Variants in CPPED1 observed in about 807,000 individuals in gnomAD.
CPPED1 encodes serine/threonine-protein phosphatase CPPED1.
CPPED1 carries 28 observed loss-of-function variants against 28.0 expected under a neutral mutation model. The observed-to-expected ratio is 1.00, with a 90% confidence interval of 0.74 to 1.37. CPPED1 has a LOEUF of 1.37. Ranked by LOEUF, CPPED1 falls within the 40% of genes most tolerant of loss-of-function variation. CPPED1 has a pLI of 0.00. For synonymous variants in CPPED1, 198 were observed against 180.2 expected (o/e 1.10, Z -0.79); for missense variants, 504 against 416.5 (o/e 1.21, Z -1.83).
chr16:12,748,625 C>G (rs1039585364), intron 2 of CPPED1, among the ~76,000 whole-genome samples: 2 of 152,102 alleles, frequency 1.3e-5, no homozygotes, highest in African/African-American at 4.8e-5. Flanking sequence ...GTGGCTCATG[C>G]CTGTAATCCC....
chr16:12,694,764 G>A (rs2079981129), intron 3 of CPPED1, among the ~76,000 whole-genome samples: 3 of 142,672 alleles, frequency 2.1e-5, no homozygotes, highest in Non-Finnish European at 4.5e-5. Flanking sequence ...GTGTGAGATA[G>A]TTTTTTAAAA....
intron 2 of CPPED1, among the ~76,000 whole-genome samples, chr16:12,768,109 A>G (rs1481687695): frequency 1.3e-5 from 2 of 152,106 alleles, no homozygotes; most frequent in Non-Finnish European, 2.9e-5. Context: ...TTCTTTGACA[A>G]CCTCTCTCTG....
At chr16:12,747,002 G>A (rs926153827) in intron 2 of CPPED1, among the ~76,000 whole-genome samples, 1 of 151,512 alleles carries the variant, frequency 6.6e-6, no homozygotes, top group Non-Finnish European at 1.5e-5. Context: ...AGAAAAATGG[G>A]AAGTAGTGTT....
At chr16:12,684,715 C>T (rs2079923788) in intron 3 of CPPED1, among the ~76,000 whole-genome samples, 1 of 152,202 alleles carries the variant, frequency 6.6e-6, no homozygotes, top group South Asian at 2.1e-4. Flanking sequence ...CTTGGTTTCC[C>T]CTACTGGTCT....
chr16:12,740,110 G>A (rs2080246963), intron 2 of CPPED1, among the ~76,000 whole-genome samples: 1 of 151,504 alleles, frequency 6.6e-6, no homozygotes. Flanking sequence ...AGGAAGGAAA[G>A]GAAAGAAAGG....
intron 2 of CPPED1, chr16:12,760,961 G>C (rs1283621042): frequency 3.3e-5 from 5 of 152,210 alleles, no homozygotes; most frequent in Admixed American, 1.3e-4. Flanking sequence ...CGTAGGTACA[G>C]ATCCAAAGGG....
At chr16:12,732,681 A>G (rs2080205574) in intron 2 of CPPED1, among the ~76,000 whole-genome samples, 1 of 152,210 alleles carries the variant, frequency 6.6e-6, no homozygotes. Context: ...AACAATCAAA[A>G]TAAAATTGAA....
At chr16:12,780,079 T>G (rs2080521034) in intron 2 of CPPED1, among the ~76,000 whole-genome samples, 1 of 152,178 alleles carries the variant, frequency 6.6e-6, no homozygotes, top group African/African-American at 2.4e-5. Context: ...ACTGTCCTGT[T>G]CTTTAGGGCA....
chr16:12,766,188 T>C (rs1453106835), intron 2 of CPPED1, among the ~76,000 whole-genome samples: 1 of 146,546 alleles, frequency 6.8e-6, no homozygotes, highest in Non-Finnish European at 1.5e-5. Context: ...AGGTCAGGAG[T>C]TCGAGACCAG....
intron 2 of CPPED1, among the ~76,000 whole-genome samples, chr16:12,740,773 A>G (rs1349566611): frequency 2.0e-5 from 3 of 152,192 alleles, no homozygotes; most frequent in Non-Finnish European, 4.4e-5. Flanking sequence ...AGCAGGTGCA[A>G]GGCCCTGTGG....
chr16:12,677,193 C>T (rs1180982481), intron 3 of CPPED1, among the ~76,000 whole-genome samples: 1 of 152,230 alleles, frequency 6.6e-6, no homozygotes, highest in Non-Finnish European at 1.5e-5. Flanking sequence ...CTGCACATTT[C>T]CCAGAGGACA....
At chr16:12,803,626 C>A in intron 1 of CPPED1, 81 bp downstream of exon 1, 1 of 1,222,664 alleles carries the variant, frequency 8.2e-7, no homozygotes, top group South Asian at 1.7e-5. Flanking sequence ...ACTGGCGGAG[C>A]GCACACCTGA....
intron 2 of CPPED1, chr16:12,753,300 T>C (rs1303859292): frequency 3.9e-5 from 6 of 152,052 alleles, no homozygotes; most frequent in African/African-American, 1.4e-4. Context: ...CCTTTACTCT[T>C]TGGGTGAAAT....
intron 2 of CPPED1, among the ~76,000 whole-genome samples, chr16:12,708,213 C>G (rs1288588543): frequency 1.3e-5 from 2 of 151,996 alleles, no homozygotes; most frequent in Non-Finnish European, 2.9e-5. Context: ...TGTAGCTTTT[C>G]CAACACTTTC....
intron 2 of CPPED1, among the ~76,000 whole-genome samples, chr16:12,719,655 C>T (rs996097517): frequency 6.6e-6 from 1 of 152,158 alleles, no homozygotes; most frequent in Non-Finnish European, 1.5e-5. Flanking sequence ...CACCTTTAGG[C>T]CAGGCGCGGT....
rs564280383 is a variant in CPPED1, at chr16:12,692,154, G to A, written c.715+12470C>T. Among the ~76,000 whole-genome samples the A allele has an allele frequency of 2.6e-5, 4 of 152,134 alleles. No individual in the cohort carries two copies. In the South Asian group the frequency reaches 6.2e-4, roughly 24 times the overall value. On this transcript the variant is annotated intron_variant, in intron 3 of 3. Transcript: ENST00000381774. The stretch of plus-strand genomic sequence containing the variant: ...CAGGCATGAGCCACTGTGCCCGGCC[G>A]TGTCCATTGCATTTTAAATGACCAA...
chr16:12,734,390 T>G (rs1433344786), intron 2 of CPPED1, among the ~76,000 whole-genome samples: 1 of 151,510 alleles, frequency 6.6e-6, no homozygotes, highest in East Asian at 1.9e-4. Flanking sequence ...TTTTTTTTTT[T>G]GTTTTTGAGA....
chr16:12,737,566 G>A (rs536460186), intron 2 of CPPED1, among the ~76,000 whole-genome samples: 1 of 152,330 alleles, frequency 6.6e-6, no homozygotes, highest in Admixed American at 6.5e-5. Flanking sequence ...TCAGGGCTGA[G>A]CGTTTGAATA....
Position 12,660,267 on chromosome 16 carries a change from C to T in CPPED1, c.*4619G>A, listed in dbSNP as rs2079786615. 1 of 152,170 alleles carries T rather than the reference C, an allele frequency of 6.6e-6. No individual in the cohort carries two copies. The highest frequency in any genetic ancestry group is 1.5e-5 in the Non-Finnish European group (1 of 68,036). The allele number at this position is 152,170 out of a possible 1,614,324, so 9.4% of individuals were successfully genotyped here. The stretch of plus-strand genomic sequence containing the variant: ...TGCAAAGCCCCTTTAGTGAAGAAAT[C>T]TACTTCTCAAACATAATGGTCAGAA... On this transcript the variant is annotated 3_prime_UTR_variant, in exon 4 of 4. Transcript: ENST00000381774.
Sources: allele counts gnomAD v4.1 joint callset (sites outside exome capture counted in the v4.1 genomes callset), GRCh38; gene constraint gnomAD v4.1.1; transcripts MANE v1.5; gene names NCBI Gene and HGNC (gene_info 2026-07-23, HGNC 2026-07-21).